The following PTPRM variants were observed in gnomAD, a reference collection of about 807,000 sequenced individuals.
PTPRM encodes the protein protein tyrosine phosphatase receptor type M, also known as receptor-type tyrosine-protein phosphatase mu.
A neutral mutation model predicts 186.7 loss-of-function variants in PTPRM; 47 were observed. That is an observed-to-expected ratio of 0.25 (90% confidence interval 0.20 to 0.32). The LOEUF (loss-of-function observed/expected upper bound fraction) is 0.32. PTPRM is among the 10% of genes least tolerant of loss of function. The pLI, the probability that PTPRM is intolerant of heterozygous loss-of-function variation, is 1.00. For missense variants in PTPRM, 1,494 were observed against 1,865.0 expected (o/e 0.80, Z 3.66); for synonymous variants, 668 against 674.9 (o/e 0.99, Z 0.16).
chr18:8,026,669 C>G (rs565606614), intron 7 of PTPRM, among the ~76,000 whole-genome samples: 1 of 152,156 alleles, frequency 6.6e-6, no homozygotes, highest in East Asian at 1.9e-4. Flanking sequence ...CCAGCCTGGC[C>G]AACATGGTGA....
chr18:7,965,247 T>C (rs545380829), intron 7 of PTPRM, among the ~76,000 whole-genome samples: 6 of 152,236 alleles, frequency 3.9e-5, no homozygotes, highest in African/African-American at 1.4e-4. Flanking sequence ...GGTTTCACCA[T>C]GTTAATCAGG....
At chr18:7,981,452 T>A (rs557285317) in intron 7 of PTPRM, among the ~76,000 whole-genome samples, 1 of 152,260 alleles carries the variant, frequency 6.6e-6, no homozygotes, top group South Asian at 2.1e-4. Context: ...ATGATCATTA[T>A]CTTTTCCTCC....
intron 1 of PTPRM, among the ~76,000 whole-genome samples, chr18:7,768,515 C>T (rs1485747662): frequency 1.3e-5 from 2 of 152,118 alleles, no homozygotes; most frequent in Admixed American, 1.3e-4. Context: ...GAATAAAAAG[C>T]ATGTGGGTCT....
chr18:8,100,034 C>G (rs752935456), intron 11 of PTPRM, among the ~76,000 whole-genome samples: 1 of 152,078 alleles, frequency 6.6e-6, no homozygotes, highest in Non-Finnish European at 1.5e-5. Flanking sequence ...CTCCAATATT[C>G]CACTTAAGAC....
chr18:8,152,052 C>G (rs142271302), intron 14 of PTPRM, among the ~76,000 whole-genome samples: 3,647 of 152,280 alleles, frequency 0.024, 48 homozygotes, highest in African/African-American at 0.038. Flanking sequence ...AATCACCCAC[C>G]TTCTGTGTTG....
At chr18:8,191,078 G>A (rs2093703519) in intron 14 of PTPRM, among the ~76,000 whole-genome samples, 1 of 152,206 alleles carries the variant, frequency 6.6e-6, no homozygotes, top group African/African-American at 2.4e-5. Flanking sequence ...AGAAGGGGTT[G>A]GAGGAATGGG....
chr18:7,917,467 C>T (rs568552045), intron 4 of PTPRM, among the ~76,000 whole-genome samples: 3 of 152,222 alleles, frequency 2.0e-5, no homozygotes, highest in South Asian at 2.1e-4. Context: ...ACCTGGGAGG[C>T]GGAGGTTGCA....
chr18:7,658,357 T>TATATATAC (rs1555647615), intron 1 of PTPRM, among the ~76,000 whole-genome samples: 2 of 138,106 alleles, frequency 1.4e-5, no homozygotes, highest in Non-Finnish European at 3.0e-5. Context: ...TATATATATA[T>TATATATAC]ATACATACAC....
At chr18:7,834,476 G>T (rs1283553139) in intron 2 of PTPRM, among the ~76,000 whole-genome samples, 2 of 13,518 alleles carry the variant, frequency 1.5e-4, no homozygotes, top group Admixed American at 1.6e-3. Context: ...TAAAATACAG[G>T]CCAATATACA....
intron 8 of PTPRM, among the ~76,000 whole-genome samples, chr18:8,072,881 T>A (rs1186002785): frequency 6.6e-6 from 1 of 152,346 alleles, no homozygotes; most frequent in East Asian, 1.9e-4. Context: ...CTTCCGTAAC[T>A]TAATTAGTAG....
intron 22 of PTPRM, among the ~76,000 whole-genome samples, chr18:8,329,319 A>G (rs2095397839): frequency 6.6e-6 from 1 of 152,264 alleles, no homozygotes; most frequent in South Asian, 2.1e-4. Context: ...ACATAAGTTC[A>G]AGTGAGTCAT....
chr18:8,287,039 G>T (rs1217079551), intron 19 of PTPRM, among the ~76,000 whole-genome samples: 8 of 151,824 alleles, frequency 5.3e-5, no homozygotes, highest in African/African-American at 1.7e-4. Context: ...GATTTCCGAG[G>T]TGAGGACATT....
rs147978588 is a variant in PTPRM, at chr18:8,134,881, A to G, written c.2168-8766A>G. Among the ~76,000 whole-genome samples the G allele has an allele frequency of 8.5e-4, 129 of 152,304 alleles. 3 individuals are homozygous for G. In the East Asian group the frequency reaches 0.024, roughly 29 times the overall value. On this transcript the variant is annotated intron_variant, in intron 13 of 32. Coordinates refer to ENST00000580170, the MANE Select transcript of PTPRM (RefSeq NM_001105244.2). ...GCTGTAGTGCAATGAAATAGGAGTC[A>G]GCTTCACAGTCAGACACCCTGGGTT...
At chr18:7,582,635 G>A (rs2036875794) in intron 1 of PTPRM, among the ~76,000 whole-genome samples, 1 of 152,174 alleles carries the variant, frequency 6.6e-6, no homozygotes, top group Admixed American at 6.5e-5. Flanking sequence ...TGACCTAAAT[G>A]CCTCAGCTTC....
chr18:7,839,769 G>A (rs890191994), intron 2 of PTPRM, among the ~76,000 whole-genome samples: 4 of 152,094 alleles, frequency 2.6e-5, no homozygotes, highest in Non-Finnish European at 2.9e-5. Flanking sequence ...CCTCACCTAC[G>A]AGTTCCAGTC....
intron 14 of PTPRM, chr18:8,154,711 C>T (rs1260287481): frequency 6.6e-6 from 1 of 152,190 alleles, no homozygotes; most frequent in African/African-American, 2.4e-5. Context: ...TCAGTTCATA[C>T]TAATTAGTAC....
intron 7 of PTPRM, among the ~76,000 whole-genome samples, chr18:7,998,769 C>T (rs1177783168): frequency 6.6e-6 from 1 of 152,086 alleles, no homozygotes. Context: ...ATTCTCATGC[C>T]TCAGCCTGCT....
At chr18:8,389,472 A>C (rs1308435483) in intron 31 of PTPRM, among the ~76,000 whole-genome samples, 1 of 152,204 alleles carries the variant, frequency 6.6e-6, no homozygotes, top group Non-Finnish European at 1.5e-5. Flanking sequence ...CGTTCTTCAC[A>C]GTGGACGGTG....
intron 4 of PTPRM, among the ~76,000 whole-genome samples, chr18:7,909,930 A>G (rs996807099): frequency 2.0e-5 from 3 of 152,202 alleles, no homozygotes; most frequent in East Asian, 1.9e-4. Context: ...TGCATTTGAT[A>G]TGCACACTAA....
Sources: gnomAD v4.1 joint callset for allele counts (sites outside exome capture counted in the v4.1 genomes callset) on GRCh38, gnomAD v4.1.1 for gene constraint, MANE v1.5 for transcripts, NCBI Gene and HGNC (gene_info 2026-07-23, HGNC 2026-07-21) for gene names.